The following TIAM2 variants were observed in gnomAD, a reference collection of about 807,000 sequenced individuals.
TIAM2 encodes TIAM Rac1 associated GEF 2, also known as rho guanine nucleotide exchange factor TIAM2.
In TIAM2, 80 loss-of-function variants were observed where a neutral mutation model predicts 152.9. The observed-to-expected ratio is 0.52, with a 90% CI of 0.44 to 0.63. TIAM2 has a LOEUF of 0.63. TIAM2 is among the 30% of genes least tolerant of loss of function. TIAM2 has a pLI of 0.00. For missense variants in TIAM2, 1,965 were observed against 2,120.1 expected, an observed-to-expected ratio of 0.93 and a Z score of 1.44; for synonymous variants, 804 against 838.0, an observed-to-expected ratio of 0.96 and a Z score of 0.70.
chr6:155,201,484 C>CT, intron 14 of TIAM2, among the ~76,000 whole-genome samples: 1 of 152,292 alleles, frequency 6.6e-6, no homozygotes, highest in Non-Finnish European at 1.5e-5. Flanking sequence ...GTGCCAAGAC[C>CT]TTGGCTGAAG....
At chr6:155,223,443 C>G (rs1782122248) in intron 15 of TIAM2, among the ~76,000 whole-genome samples, 3 of 151,602 alleles carry the variant, frequency 2.0e-5, no homozygotes, top group African/African-American at 2.4e-5. Flanking sequence ...AAATAACAAC[C>G]CCTAGATGGC....
At chr6:155,166,105 C>T (rs73795331) in intron 9 of TIAM2, among the ~76,000 whole-genome samples, 15,809 of 151,980 alleles carry the variant, frequency 0.1, 895 homozygotes, top group Middle Eastern at 0.16. Context: ...ATCCTTAGAA[C>T]ATGGCCTTGG....
chr6:155,172,665 TA>T lies in TIAM2; in HGVS notation c.2362-4150del, dbSNP rs1562341095. On this transcript the variant is annotated intron_variant, in intron 9 of 26. Transcript: ENST00000682666. ...AAATATATATATATATATATATATA[TA>T]TATATATATATATATATATATTTTT... 3.0e-3 allele frequency among the ~76,000 whole-genome samples: 24 copies of T among 8,044 alleles called. 1 individual carries two copies. The highest frequency in any genetic ancestry group is 8.4e-3 in the Admixed American group (8 of 950). The allele number at this position is 8,044 out of a possible 152,430, so 5.3% of individuals were successfully genotyped here.
chr6:155,005,724 C>T (rs1199739191), intron 1 of TIAM2, among the ~76,000 whole-genome samples: 3 of 149,718 alleles, frequency 2.0e-5, no homozygotes, highest in Non-Finnish European at 4.4e-5. Context: ...GGTGTAATCT[C>T]GGCTCACTGC....
At position 155,144,874 on chromosome 6, in the gene TIAM2, ATACT is replaced by A. The variant is rs750797731; in HGVS notation, c.1803+99_1803+102del. ...AAAACTTGGAAATGAAATTGAATAA[ATACT>A]TAGTTAGGCTTTGGATTTGGCCTTA... On this transcript the variant is annotated intron_variant, in intron 6 of 26. Coordinates refer to ENST00000682666, the MANE Select transcript of TIAM2 (RefSeq NM_012454.4). The A allele has an allele frequency of 1.1e-4, 148 of 1,377,012 alleles. 2 individuals carry two copies. The African/African-American group carries it at 1.3e-3, about 12-fold the overall frequency. 85.3% of individuals were successfully genotyped at this position (1,377,012 alleles called of 1,614,324 possible).
In TIAM2 at chr6:154,995,762, G is replaced by A. The variant is rs1431954832; in HGVS notation, c.-209+270G>A. Among the ~76,000 whole-genome samples, 1 of 152,196 alleles carries A rather than the reference G, an allele frequency of 6.6e-6. No homozygotes were observed. The highest frequency in any genetic ancestry group is 1.5e-5 in the Non-Finnish European group (1 of 68,028). On this transcript the variant is annotated intron_variant, in intron 1 of 26. Transcript: ENST00000682666. This position sits in a 1 kb window ranked among gnomAD's most constrained non-coding sequence, Gnocchi z 5.2. ...CACTTTCCAGAAGGCTCTGAAACTA[G>A]GTCCCCTGGTCCCCTCGCGCTGCGC...
chr6:155,223,714 G>A (rs930913512), intron 15 of TIAM2, among the ~76,000 whole-genome samples: 5 of 151,898 alleles, frequency 3.3e-5, no homozygotes, highest in African/African-American at 1.2e-4. Context: ...AACTTTTATG[G>A]ATCTCTTTAG....
At chr6:155,134,549 T>G (rs1051002665) in intron 4 of TIAM2, among the ~76,000 whole-genome samples, 17 of 152,116 alleles carry the variant, frequency 1.1e-4, no homozygotes, top group Non-Finnish European at 2.2e-4. Context: ...GAATTGGGCT[T>G]GTTTTGAAGC....
At position 155,179,389 on chromosome 6, in the gene TIAM2, A is replaced by C. The variant is rs756261390; in HGVS notation, c.2640A>C (p.Glu880Asp). The C allele has an allele frequency of 2.5e-5, 40 of 1,613,672 alleles. No individual in the cohort carries two copies. In the African/African-American group the frequency reaches 3.7e-4, roughly 15 times the overall value. The change falls in exon 12 of 27, where the codon GAA becomes GAC. Residue 880 changes from glutamate (E) to aspartate (D), a missense_variant. Around this residue, in one of 3 missense-constraint regions of TIAM2, gnomAD observed 1,025 missense variants for 1,119.4 expected, o/e 0.92. Transcript: ENST00000682666. ...YEYMQQQVYD[E>D]IEVFPLNVYD... ...TTCACCTTTTGCAGGTTTATGATGA[A>C]ATAGAAGTCTTTCCACTAAATGTTT... is the stretch of plus-strand genomic sequence containing the variant.
At chr6:155,173,720 C>G (rs1426475224) in intron 9 of TIAM2, among the ~76,000 whole-genome samples, 1 of 152,230 alleles carries the variant, frequency 6.6e-6, no homozygotes, top group East Asian at 1.9e-4. Context: ...GACAAAGCCT[C>G]TGCTGGTATT....
intron 16 of TIAM2, among the ~76,000 whole-genome samples, chr6:155,241,646 T>G (rs925695586): frequency 3.3e-5 from 5 of 152,220 alleles, no homozygotes; most frequent in Non-Finnish European, 7.3e-5. Context: ...GGACTTCACC[T>G]AAGGCCCTAT....
At chr6:155,099,803 C>T (rs1341772127) in intron 2 of TIAM2, among the ~76,000 whole-genome samples, 2 of 152,212 alleles carry the variant, frequency 1.3e-5, no homozygotes, top group Non-Finnish European at 2.9e-5. Context: ...ATGATTTCCT[C>T]ATTGTGTGAA....
chr6:155,043,346 G>A (rs1777089087), intron 1 of TIAM2, among the ~76,000 whole-genome samples: 1 of 152,016 alleles, frequency 6.6e-6, no homozygotes, highest in African/African-American at 2.4e-5. Context: ...ATCTCTAGAG[G>A]GGCCAGGTGC....
At chr6:155,137,652 T>C (rs373768156) in intron 5 of TIAM2, 40 bp downstream of exon 5, 504 of 1,516,612 alleles carry the variant, frequency 3.3e-4, no homozygotes, top group Non-Finnish European at 4.3e-4. Flanking sequence ...TGGGGATTGT[T>C]TCCGCCAGCC....
chr6:155,240,298 A>C (rs1782965758), intron 15 of TIAM2, among the ~76,000 whole-genome samples: 1 of 152,244 alleles, frequency 6.6e-6, no homozygotes, highest in Non-Finnish European at 1.5e-5. Context: ...CTGATGTGAC[A>C]ATGGAGAGCC....
intron 1 of TIAM2, among the ~76,000 whole-genome samples, chr6:155,068,949 G>C (rs978193493): frequency 2.0e-5 from 3 of 151,902 alleles, no homozygotes; most frequent in African/African-American, 7.3e-5. Context: ...ACAGGGTCTT[G>C]CTCCATCGCC....
chr6:155,229,926 C>G (rs573962819), intron 15 of TIAM2, among the ~76,000 whole-genome samples: 1 of 152,168 alleles, frequency 6.6e-6, no homozygotes, highest in South Asian at 2.1e-4. Flanking sequence ...GACTTATTCA[C>G]TATCACGAGT....
In TIAM2 at chr6:155,114,047, TTTC is replaced by T. The variant is rs1185384770; in HGVS notation, c.-117-13440_-117-13438del. ...ATATATATATATATATTTTTTTTTT[TTTC>T]TTTTTTTTTTTTTTTTTTTTTGAAA... On this transcript the variant is annotated intron_variant, in intron 2 of 26. Transcript: ENST00000682666. Among the ~76,000 whole-genome samples the T allele has an allele frequency of 2.0e-3, 147 of 72,928 alleles. 4 individuals carry two copies. Among genetic ancestry groups the T allele is most frequent in the African/African-American group, 6.0e-3 (88 of 14,624 alleles). 47.8% of individuals were successfully genotyped at this position (72,928 alleles called of 152,430 possible). A position where few individuals can be genotyped will look rare whatever the true frequency, so the allele number is the denominator to read the frequency against.
Position 155,257,531 on chromosome 6 carries a change from T to C in TIAM2, c.*410T>C. The C allele has an allele frequency of 2.7e-6, 1 of 368,192 alleles. No individual in the cohort carries two copies. The highest frequency in any genetic ancestry group is 3.4e-5 in the South Asian group (1 of 29,610). 22.8% of individuals were successfully genotyped at this position (368,192 alleles called of 1,614,324 possible). On this transcript the variant is annotated 3_prime_UTR_variant, in exon 27 of 27. Coordinates refer to ENST00000682666, the MANE Select transcript of TIAM2 (RefSeq NM_012454.4). ...TGCTTTATTTAAAGCATATTTAAGTTATTTTAATGTGGTTTAGGGGCAAAA... is the reference window on the plus strand; with the variant it reads ...TGCTTTATTTAAAGCATATTTAAGTCATTTTAATGTGGTTTAGGGGCAAAA...
Sources: allele counts gnomAD v4.1 joint callset (sites outside exome capture counted in the v4.1 genomes callset), GRCh38; gene constraint gnomAD v4.1.1; regional missense constraint gnomAD v4.1.1; non-coding constraint Gnocchi (gnomAD v3.1); transcripts MANE v1.5; gene names NCBI Gene and HGNC (gene_info 2026-07-23, HGNC 2026-07-21).